SH3RF3: variants seen among roughly 807,000 people sequenced by gnomAD.
SH3RF3 encodes the protein SH3 domain containing ring finger 3, also known as E3 ubiquitin-protein ligase SH3RF3.
A neutral mutation model predicts 66.3 loss-of-function variants in SH3RF3; 29 were observed. The observed-to-expected ratio is 0.44, with a 90% CI of 0.33 to 0.60. The LOEUF (loss-of-function observed/expected upper bound fraction) is 0.60. SH3RF3 is among the 20% of genes least tolerant of loss of function. SH3RF3 has a pLI of 0.04. For synonymous variants in SH3RF3, 583 were observed against 532.0 expected (o/e 1.10, Z -1.32); for missense variants, 1,194 against 1,190.9 (o/e 1.00, Z -0.04).
At chr2:109,306,225 T>G (rs1681593559) in intron 1 of SH3RF3, among the ~76,000 whole-genome samples, 1 of 152,200 alleles carries the variant, frequency 6.6e-6, no homozygotes, top group South Asian at 2.1e-4. Flanking sequence ...GTCTGCCAGA[T>G]GCAGACCCCA....
intron 1 of SH3RF3, among the ~76,000 whole-genome samples, chr2:109,187,884 C>T (rs922398255): frequency 6.6e-6 from 1 of 152,216 alleles, no homozygotes; most frequent in Non-Finnish European, 1.5e-5. Flanking sequence ...CTGCCGCCGT[C>T]ACCGTGGGTG....
At chr2:109,200,053 G>A (rs1255988052) in intron 1 of SH3RF3, among the ~76,000 whole-genome samples, 7 of 152,232 alleles carry the variant, frequency 4.6e-5, no homozygotes, top group Admixed American at 3.9e-4. Context: ...ACAGAGAAAT[G>A]TCACCAGTGG....
intron 1 of SH3RF3, among the ~76,000 whole-genome samples, chr2:109,259,501 T>C (rs960077320): frequency 6.6e-6 from 1 of 152,240 alleles, no homozygotes; most frequent in African/African-American, 2.4e-5. Context: ...ATTTTCCTTC[T>C]GTGCAAAGTC....
intron 5 of SH3RF3, among the ~76,000 whole-genome samples, chr2:109,427,576 G>A (rs947541858): frequency 6.6e-6 from 1 of 152,172 alleles, no homozygotes; most frequent in Admixed American, 6.5e-5. Flanking sequence ...CACTGGCCCA[G>A]GTTCACACTT....
chr2:109,185,948 G>A (rs1256842452), intron 1 of SH3RF3, among the ~76,000 whole-genome samples: 2 of 152,190 alleles, frequency 1.3e-5, no homozygotes, highest in African/African-American at 2.4e-5. Flanking sequence ...CCTGTGCCCC[G>A]TGCTTGGCCA....
intron 1 of SH3RF3, among the ~76,000 whole-genome samples, chr2:109,143,538 C>T (rs954161201): frequency 6.6e-6 from 1 of 151,944 alleles, no homozygotes; most frequent in Non-Finnish European, 1.5e-5. Context: ...AGCCCAGGAG[C>T]TTGAGACCAG....
chr2:109,451,702 G>A lies in SH3RF3; in HGVS notation c.2148+2213G>A, dbSNP rs545585630. Among the ~76,000 whole-genome samples the A allele has an allele frequency of 3.9e-5, 6 of 152,306 alleles. No individual in the cohort carries two copies. The South Asian group carries it at 1.2e-3, about 32-fold the overall frequency. On this transcript the variant is annotated intron_variant, in intron 8 of 9. Coordinates refer to ENST00000309415, the MANE Select transcript of SH3RF3 (RefSeq NM_001099289.3). Reference sequence around the variant, plus strand: ...GCCCTCTAACAGTTGTGCTATATCAGCAAAGAACAGTTGAGTCCAGAAGAC... The same window carrying A: ...GCCCTCTAACAGTTGTGCTATATCAACAAAGAACAGTTGAGTCCAGAAGAC...
At chr2:109,232,544 G>A (rs540507424) in intron 1 of SH3RF3, among the ~76,000 whole-genome samples, 1 of 152,188 alleles carries the variant, frequency 6.6e-6, no homozygotes, top group Non-Finnish European at 1.5e-5. Context: ...ATGCTGTAAT[G>A]TTCAATAAGC....
At chr2:109,307,144 G>C (rs1681615081) in intron 1 of SH3RF3, among the ~76,000 whole-genome samples, 2 of 152,182 alleles carry the variant, frequency 1.3e-5, no homozygotes, top group South Asian at 4.1e-4. Flanking sequence ...AAAAGTACCT[G>C]TTGTACTCTT....
chr2:109,441,958 A>G (rs1226493719), intron 7 of SH3RF3, among the ~76,000 whole-genome samples: 4 of 152,130 alleles, frequency 2.6e-5, no homozygotes, highest in African/African-American at 9.7e-5. Context: ...TCTTTCAAAA[A>G]AAAAGCAAAA....
chr2:109,425,860 T>C (rs149505781), intron 5 of SH3RF3, among the ~76,000 whole-genome samples: 1 of 152,214 alleles, frequency 6.6e-6, no homozygotes, highest in Non-Finnish European at 1.5e-5. Context: ...GATTGTCAAG[T>C]GTTCTTATTT....
intron 1 of SH3RF3, among the ~76,000 whole-genome samples, chr2:109,301,220 G>T (rs1160754596): frequency 6.6e-6 from 1 of 152,132 alleles, no homozygotes; most frequent in East Asian, 1.9e-4. Context: ...GATGTCAGGG[G>T]TTTGCTGATC....
In SH3RF3 at chr2:109,436,908, G is replaced by C. The variant is rs1677416168; in HGVS notation, c.1590G>C (p.Gly530=). ...VTPVSRVPAG[G]AGPPRNNVVG... ...CTCTCCACAGGGTGCCTGCAGGAGG[G>C]GCAGGGCCGCCCCGGAATAATGTAG... Residue 530 remains glycine (G), a synonymous_variant, in exon 7 of 10, where the codon GGG becomes GGC. Transcript: ENST00000309415. 6 of 1,613,332 alleles carry C rather than the reference G, an allele frequency of 3.7e-6. No homozygotes were observed. Among genetic ancestry groups the C allele is most frequent in the Non-Finnish European group, 5.1e-6 (6 of 1,179,862 alleles).
At chr2:109,152,211 C>T (rs1198653258) in intron 1 of SH3RF3, among the ~76,000 whole-genome samples, 1 of 152,210 alleles carries the variant, frequency 6.6e-6, no homozygotes, top group Admixed American at 6.5e-5. Flanking sequence ...ACAAAACTGT[C>T]ACCTGTCAGG....
At position 109,336,492 on chromosome 2, in the gene SH3RF3, C is replaced by T. The variant is rs147645600; in HGVS notation, c.574-11182C>T. Among the ~76,000 whole-genome samples, 792 of 152,312 alleles carry T rather than the reference C, an allele frequency of 5.2e-3. 5 individuals are homozygous for T. The highest frequency in any genetic ancestry group is 7.8e-3 in the Non-Finnish European group (529 of 68,034). ...TGTCCTGGTGTGCCCACGGCTAGCACGTGCTGAGGACTCGCTGTGAGGCCC... is the reference window on the plus strand; with the variant it reads ...TGTCCTGGTGTGCCCACGGCTAGCATGTGCTGAGGACTCGCTGTGAGGCCC... On this transcript the variant is annotated intron_variant, in intron 1 of 9. Coordinates refer to ENST00000309415, the MANE Select transcript of SH3RF3 (RefSeq NM_001099289.3).
intron 1 of SH3RF3, among the ~76,000 whole-genome samples, chr2:109,288,084 C>T (rs1024085472): frequency 2.0e-5 from 3 of 152,248 alleles, no homozygotes; most frequent in Non-Finnish European, 4.4e-5. Flanking sequence ...AATATAGTCT[C>T]ATGCCCTGAA....
chr2:109,479,043 G>T (rs1216050730), intron 8 of SH3RF3, among the ~76,000 whole-genome samples: 1 of 152,184 alleles, frequency 6.6e-6, no homozygotes, highest in Non-Finnish European at 1.5e-5. Flanking sequence ...TATGTGTCTG[G>T]CGGGTGGTGT....
chr2:109,332,746 C>T (rs1308047361), intron 1 of SH3RF3, among the ~76,000 whole-genome samples: 1 of 152,186 alleles, frequency 6.6e-6, no homozygotes, highest in African/African-American at 2.4e-5. Context: ...GCCACCCCGC[C>T]CCCAGGGTTA....
At chr2:109,258,047 G>A (rs1229572041) in intron 1 of SH3RF3, among the ~76,000 whole-genome samples, 1 of 152,112 alleles carries the variant, frequency 6.6e-6, no homozygotes, top group East Asian at 1.9e-4. Flanking sequence ...CTTATTTGCT[G>A]ACCCTCACAG....
Sources: allele counts gnomAD v4.1 joint callset (sites outside exome capture counted in the v4.1 genomes callset), GRCh38; gene constraint gnomAD v4.1.1; transcripts MANE v1.5; gene names NCBI Gene and HGNC (gene_info 2026-07-23, HGNC 2026-07-21).